Variants in DDX25 observed in about 807,000 individuals in gnomAD.
DDX25 encodes the protein ATP-dependent RNA helicase DDX25.
Under a neutral mutation model 64.6 loss-of-function variants are expected in DDX25, and 70 were observed. The observed-to-expected ratio is 1.08, with a 90% CI of 0.89 to 1.32. DDX25 has a LOEUF of 1.32. Ranked by LOEUF, DDX25 falls within the 40% of genes most tolerant of loss-of-function variation. The pLI, the probability that DDX25 is intolerant of heterozygous loss-of-function variation, is 0.00. For synonymous variants in DDX25, 211 were observed against 213.3 expected (o/e 0.99, Z 0.09); for missense variants, 587 against 604.4 (o/e 0.97, Z 0.30).
chr11:125,905,945 A>C, intron 3 of DDX25, 129 bp from the exon 4 acceptor site: 1 of 1,195,348 alleles, frequency 8.4e-7, no homozygotes, highest in Non-Finnish European at 1.1e-6. Flanking sequence ...TTCTTTCTGG[A>C]ACCCTCTTTT....
At chr11:125,906,733 G>A (rs1042250117) in intron 4 of DDX25, among the ~76,000 whole-genome samples, 7 of 149,416 alleles carry the variant, frequency 4.7e-5, no homozygotes, top group African/African-American at 1.5e-4. Context: ...GGCTGAGGTA[G>A]GAGAATCGCC....
rs1565461588 is a variant in DDX25 at position 125,905,200 on chromosome 11, G to C, written c.64-12G>C. 2 of 1,551,454 alleles carry C rather than the reference G, an allele frequency of 1.3e-6. No individual in the cohort carries two copies. The highest frequency in any genetic ancestry group is 1.2e-5 in the South Asian group (1 of 84,010). On this transcript the variant is annotated splice_polypyrimidine_tract_variant and intron_variant, in intron 1 of 11. Coordinates refer to ENST00000263576, the MANE Select transcript of DDX25 (RefSeq NM_013264.5). ...CATCCTAATATTGGTTGAAATTTGT[G>C]TCTCTCAATAGTTTTCAAACCTCAG...
intron 6 of DDX25, among the ~76,000 whole-genome samples, chr11:125,908,854 G>A (rs1327163018): frequency 6.6e-6 from 1 of 152,182 alleles, no homozygotes; most frequent in Admixed American, 6.5e-5. Flanking sequence ...ACAGTGCCTG[G>A]CTTGTAGAAA....
In DDX25 at chr11:125,925,555, A is replaced by T; in HGVS notation, c.*2674A>T. On this transcript the variant is annotated 3_prime_UTR_variant, in exon 12 of 12. Transcript: ENST00000263576. ...GCCTGCCTGAGGACAGAGTAGATAG[A>T]GAGGCAAGGAAACACCAGGTGATTT... The T allele has an allele frequency of 2.3e-6, 1 of 433,844 alleles. No homozygotes were observed. The allele number at this position is 433,844 out of a possible 1,614,324, so 26.9% of individuals were successfully genotyped here.
At position 125,923,792 on chromosome 11, in the gene DDX25, G is replaced by A. The variant is rs907691441; in HGVS notation, c.*911G>A. The A allele has an allele frequency of 6.6e-6, 1 of 152,188 alleles. No individual in the cohort carries two copies. The highest frequency in any genetic ancestry group is 2.4e-5 in the African/African-American group (1 of 41,446). The allele number at this position is 152,188 out of a possible 1,614,324, so 9.4% of individuals were successfully genotyped here. A position where few individuals can be genotyped will look rare whatever the true frequency, so the allele number is the denominator to read the frequency against. On this transcript the variant is annotated 3_prime_UTR_variant, in exon 12 of 12. Transcript: ENST00000263576. ...ATGGAGAGTCCCCCAGAAAGCCGGA[G>A]CGGATCTTGTAACCAGAGCGCCGGT... is the stretch of plus-strand genomic sequence containing the variant.
Position 125,904,561 on chromosome 11 carries a change from G to A in DDX25, c.44G>A (p.Ser15Asn). ...GGAGGCGACGCAGGGGCGGCGGAGAGCGAGCGGCTGAACAGCCACGTAACC... is the reference window on the plus strand; with the variant it reads ...GGAGGCGACGCAGGGGCGGCGGAGAACGAGCGGCTGAACAGCCACGTAACC... ...LWGGDAGAAE[S>N]ERLNSHFSNL... The change falls in exon 1 of 12, where the codon AGC becomes AAC. Residue 15 changes from serine (S) to asparagine (N), a missense_variant. By Grantham distance (46) the Ser-to-Asn change is conservative (BLOSUM62 1). Transcript: ENST00000263576. 4 of 1,496,046 alleles carry A rather than the reference G, an allele frequency of 2.7e-6. No homozygotes were observed. The highest frequency in any genetic ancestry group is 2.6e-5 in the South Asian group (2 of 77,032). The allele number at this position is 1,496,046 out of a possible 1,614,324, so 92.7% of individuals were successfully genotyped here. A position where few individuals can be genotyped will look rare whatever the true frequency, so the allele number is the denominator to read the frequency against.
intron 3 of DDX25, 127 bp from the exon 4 acceptor site, chr11:125,905,947 C>A: frequency 8.3e-7 from 1 of 1,211,038 alleles, no homozygotes; most frequent in Non-Finnish European, 1.1e-6. Context: ...CTTTCTGGAA[C>A]CCTCTTTTAG....
chr11:125,916,703 G>A (rs1441038808), intron 8 of DDX25, among the ~76,000 whole-genome samples: 1 of 152,186 alleles, frequency 6.6e-6, no homozygotes, highest in Non-Finnish European at 1.5e-5. Context: ...AGAGCATCTA[G>A]TCTACCCTTC....
Position 125,921,843 on chromosome 11 carries a change from CGCACAACT to C in DDX25, c.1390+469_1390+476del, listed in dbSNP as rs1263863258. The stretch of plus-strand genomic sequence containing the variant: ...GGCGGAGGTTGCAGTGAGCTGAGGT[CGCACAACT>C]GCACTCCAGCCTGGCGAAAGAGTGA... On this transcript the variant is annotated intron_variant, in intron 11 of 11. Coordinates refer to ENST00000263576, the MANE Select transcript of DDX25 (RefSeq NM_013264.5). This position sits in a 1 kb window ranked among gnomAD's most constrained non-coding sequence, Gnocchi z 4.1. The C allele has an allele frequency of 6.5e-6, 1 of 154,548 alleles. No homozygotes were observed. The highest frequency in any genetic ancestry group is 6.3e-5 in the Admixed American group (1 of 15,764). 9.6% of individuals were successfully genotyped at this position (154,548 alleles called of 1,614,324 possible).
At position 125,905,293 on chromosome 11, in the gene DDX25, G is replaced by A; in HGVS notation, c.130+15G>A. The stretch of plus-strand genomic sequence containing the variant: ...CCGAAACATAGGTGAGTGCTGTTAG[G>A]GCAAAGCAGAGCGACCTCAATGATT... On this transcript the variant is annotated intron_variant, in intron 2 of 11. Coordinates refer to ENST00000263576, the MANE Select transcript of DDX25 (RefSeq NM_013264.5). The A allele has an allele frequency of 6.4e-7, 1 of 1,551,406 alleles. No homozygotes were observed. The highest frequency in any genetic ancestry group is 8.7e-7 in the Non-Finnish European group (1 of 1,146,854).
At chr11:125,914,179 T>G (rs933562589) in intron 8 of DDX25, among the ~76,000 whole-genome samples, 8 of 152,240 alleles carry the variant, frequency 5.3e-5, no homozygotes, top group African/African-American at 1.9e-4. Context: ...TTCCTCTTTA[T>G]ATGTGGTGAC....
Position 125,923,277 on chromosome 11 carries a change from C to T in DDX25, c.*396C>T. The T allele has an allele frequency of 6.1e-6, 1 of 164,818 alleles. No individual in the cohort carries two copies. Among genetic ancestry groups the T allele is most frequent in the Non-Finnish European group, 1.3e-5 (1 of 76,534 alleles). 10.2% of individuals were successfully genotyped at this position (164,818 alleles called of 1,614,324 possible). On this transcript the variant is annotated 3_prime_UTR_variant, in exon 12 of 12. Transcript: ENST00000263576. The stretch of plus-strand genomic sequence containing the variant: ...GCGAGTAGGAAAAAGCCCATGTCTT[C>T]AGACCTCACTCACAGGTGCCCTTTC...
chr11:125,906,850 A>G (rs1944896339), intron 4 of DDX25, among the ~76,000 whole-genome samples: 1 of 149,058 alleles, frequency 6.7e-6, no homozygotes, highest in Admixed American at 6.7e-5. Flanking sequence ...AGGATATTCT[A>G]AAGAAGAACA....
chr11:125,905,389 A>C (rs372115282), intron 2 of DDX25, 111 bp downstream of exon 2: 1 of 1,356,564 alleles, frequency 7.4e-7, no homozygotes, highest in Non-Finnish European at 1.0e-6. Flanking sequence ...TGTGACATTC[A>C]GCACTCTCCA....
At chr11:125,922,779 C>T (rs778153553) in intron 11 of DDX25, 41 bp from the exon 12 acceptor site, 5 of 1,546,162 alleles carry the variant, frequency 3.2e-6, no homozygotes, top group African/African-American at 1.4e-5. Flanking sequence ...TCCATTTAGA[C>T]CCTGACATGA....
chr11:125,904,576 G>A lies in DDX25; in HGVS notation c.59G>A (p.Ser20Asn), dbSNP rs1325140811. The change falls in exon 1 of 12, where the codon AGC (serine) becomes AAC (asparagine). Residue 20 changes from serine (S) to asparagine (N), a missense_variant. Transcript: ENST00000263576. ...AGAAESERLN[S>N]HFSNLSQPRK... ...GCGGCGGAGAGCGAGCGGCTGAACAGCCACGTAACCGCCACCGAGCCGGGG... is the reference window on the plus strand; with the variant it reads ...GCGGCGGAGAGCGAGCGGCTGAACAACCACGTAACCGCCACCGAGCCGGGG... 4 of 1,490,056 alleles carry A rather than the reference G, an allele frequency of 2.7e-6. No homozygotes were observed. The highest frequency in any genetic ancestry group is 3.6e-6 in the Non-Finnish European group (4 of 1,120,182). 92.3% of individuals were successfully genotyped at this position (1,490,056 alleles called of 1,614,324 possible). A position where few individuals can be genotyped will look rare whatever the true frequency, so the allele number is the denominator to read the frequency against.
rs1945156899 is a variant in DDX25 at position 125,925,223 on chromosome 11, C to G, written c.*2342C>G. On this transcript the variant is annotated 3_prime_UTR_variant, in exon 12 of 12. Coordinates refer to ENST00000263576, the MANE Select transcript of DDX25 (RefSeq NM_013264.5). ...TACCACTTTCCTTTACAGTTCAAAT[C>G]TCTGGTAAGATCTCCGCCAGTTACC... is the stretch of plus-strand genomic sequence containing the variant. The G allele has an allele frequency of 2.0e-5, 7 of 351,422 alleles. No individual in the cohort carries two copies. The Admixed American group carries it at 2.2e-4, about 11-fold the overall frequency. 21.8% of individuals were successfully genotyped at this position (351,422 alleles called of 1,614,324 possible). A position where few individuals can be genotyped will look rare whatever the true frequency, so the allele number is the denominator to read the frequency against.
chr11:125,916,939 T>A, intron 8 of DDX25, 75 bp from the exon 9 acceptor site: 1 of 1,401,156 alleles, frequency 7.1e-7, no homozygotes, highest in Non-Finnish European at 9.8e-7. Flanking sequence ...CAGCGGCTGA[T>A]GGCAGTGGCA....
At chr11:125,910,160 T>C (rs1944947737) in intron 6 of DDX25, among the ~76,000 whole-genome samples, 1 of 152,146 alleles carries the variant, frequency 6.6e-6, no homozygotes, top group Non-Finnish European at 1.5e-5. Flanking sequence ...GTTTCTCCAT[T>C]CCTTGGCCCC....
Sources: gnomAD v4.1 joint callset for allele counts (sites outside exome capture counted in the v4.1 genomes callset) on GRCh38, gnomAD v4.1.1 for gene constraint, Gnocchi (gnomAD v3.1) non-coding constraint, MANE v1.5 for transcripts, NCBI Gene and HGNC (gene_info 2026-07-23, HGNC 2026-07-21) for gene names.